TEX36: variants seen among roughly 807,000 people sequenced by gnomAD.
The protein encoded by TEX36 is testis-expressed protein 36.
TEX36 carries 12 observed loss-of-function variants against 13.6 expected under a neutral mutation model. That is an observed-to-expected ratio of 0.88 (90% CI 0.56 to 1.43). The LOEUF (loss-of-function observed/expected upper bound fraction) is 1.43. Ranked by LOEUF, TEX36 falls within the 40% of genes most tolerant of loss-of-function variation. TEX36 has a pLI of 0.00. For missense variants in TEX36, 224 were observed against 228.3 expected (o/e 0.98, Z 0.12); for synonymous variants, 93 against 83.0 (o/e 1.12, Z -0.65).
intron 3 of TEX36, among the ~76,000 whole-genome samples, chr10:125,579,803 A>T (rs1013961559): frequency 1.3e-5 from 2 of 151,916 alleles, no homozygotes; most frequent in African/African-American, 4.8e-5. Context: ...TCCCCTTGAC[A>T]TTCCACCATG....
At chr10:125,628,346 A>T (rs1377578598) in intron 3 of TEX36, among the ~76,000 whole-genome samples, 1 of 152,210 alleles carries the variant, frequency 6.6e-6, no homozygotes, top group African/African-American at 2.4e-5. Context: ...TTAATGTCCC[A>T]CTATATCTTA....
At chr10:125,672,501 G>A (rs576377631) in intron 1 of TEX36, among the ~76,000 whole-genome samples, 5 of 152,304 alleles carry the variant, frequency 3.3e-5, no homozygotes, top group African/African-American at 9.6e-5. Flanking sequence ...GAGACAGTTT[G>A]TTATTATTTC....
At chr10:125,624,672 T>C (rs576458488) in intron 3 of TEX36, among the ~76,000 whole-genome samples, 1 of 146,532 alleles carries the variant, frequency 6.8e-6, no homozygotes, top group African/African-American at 2.6e-5. Context: ...AGATGTATAA[T>C]TCTACAGAAA....
intron 3 of TEX36, among the ~76,000 whole-genome samples, chr10:125,593,838 G>A (rs896233364): frequency 4.6e-5 from 7 of 152,266 alleles, no homozygotes; most frequent in African/African-American, 1.7e-4. Flanking sequence ...GATGGATGGC[G>A]GTGATGATTG....
chr10:125,666,532 G>T (rs111683823), intron 1 of TEX36, among the ~76,000 whole-genome samples: 2,636 of 152,196 alleles, frequency 0.017, 74 homozygotes, highest in African/African-American at 0.059. Flanking sequence ...GCATCCTTGC[G>T]TCCCTGCTAT....
At chr10:125,614,047 T>C (rs1260845130) in intron 3 of TEX36, among the ~76,000 whole-genome samples, 2 of 152,260 alleles carry the variant, frequency 1.3e-5, no homozygotes, top group Non-Finnish European at 2.9e-5. Context: ...GTGAGCATTT[T>C]TTCACGTGTC....
intron 3 of TEX36, among the ~76,000 whole-genome samples, chr10:125,659,254 G>C (rs759421930): frequency 2.6e-5 from 4 of 152,108 alleles, no homozygotes; most frequent in Non-Finnish European, 5.9e-5. Flanking sequence ...AGAGAAAGTT[G>C]GAAAGCTTCC....
chr10:125,603,976 T>C (rs1205184057), intron 3 of TEX36, among the ~76,000 whole-genome samples: 1 of 152,160 alleles, frequency 6.6e-6, no homozygotes, highest in African/African-American at 2.4e-5. Flanking sequence ...AAGGGGCCCA[T>C]TCCGGTTCAG....
chr10:125,588,348 T>C (rs914765046), intron 3 of TEX36, among the ~76,000 whole-genome samples: 4 of 152,182 alleles, frequency 2.6e-5, no homozygotes, highest in Non-Finnish European at 1.5e-5. Context: ...TCACTTACTG[T>C]GAATATGCGT....
intron 3 of TEX36, among the ~76,000 whole-genome samples, chr10:125,635,579 G>C (rs906829248): frequency 6.6e-6 from 1 of 152,084 alleles, no homozygotes; most frequent in African/African-American, 2.4e-5. Context: ...CTCGTGCTGG[G>C]GTGCGAAGGT....
At chr10:125,639,304 C>T (rs1025974330) in intron 3 of TEX36, among the ~76,000 whole-genome samples, 1 of 152,056 alleles carries the variant, frequency 6.6e-6, no homozygotes, top group African/African-American at 2.4e-5. Flanking sequence ...TTGCCTGATC[C>T]ACATTGACAC....
intron 3 of TEX36, among the ~76,000 whole-genome samples, chr10:125,628,969 T>C (rs1322891676): frequency 2.0e-5 from 3 of 152,160 alleles, no homozygotes; most frequent in African/African-American, 7.2e-5. Context: ...TTGAGGAAAA[T>C]AGAAGTGTGA....
At chr10:125,625,252 T>A (rs1437696479) in intron 3 of TEX36, among the ~76,000 whole-genome samples, 1 of 152,168 alleles carries the variant, frequency 6.6e-6, no homozygotes, top group Non-Finnish European at 1.5e-5. Flanking sequence ...CAGAGCCCAA[T>A]TCCAGGCCCA....
At chr10:125,620,474 A>C (rs1228328973), downstream of TEX36, among the ~76,000 whole-genome samples, 2 of 152,156 alleles carry the variant, frequency 1.3e-5, no homozygotes, top group African/African-American at 4.8e-5. Context: ...ACATTCAGTG[A>C]AGATGTGTTG....
At chr10:125,636,475 A>G (rs920601835) in intron 3 of TEX36, among the ~76,000 whole-genome samples, 2 of 151,950 alleles carry the variant, frequency 1.3e-5, no homozygotes, top group African/African-American at 2.4e-5. Context: ...CGGCCTCCCA[A>G]AGTGCTAGGA....
chr10:125,650,729 A>G (rs1260104974), downstream of TEX36, among the ~76,000 whole-genome samples: 1 of 152,182 alleles, frequency 6.6e-6, no homozygotes, highest in African/African-American at 2.4e-5. Flanking sequence ...TTTTGAAAAG[A>G]TCAACAAAAT....
chr10:125,628,375 G>T (rs1445727258), intron 3 of TEX36, among the ~76,000 whole-genome samples: 2 of 152,210 alleles, frequency 1.3e-5, no homozygotes, highest in Non-Finnish European at 2.9e-5. Flanking sequence ...TGTGGCCTCT[G>T]GTGTGGGTTT....
intron 3 of TEX36, among the ~76,000 whole-genome samples, chr10:125,648,940 T>C (rs551173394): frequency 3.2e-4 from 49 of 152,082 alleles, no homozygotes; most frequent in African/African-American, 1.2e-3. Flanking sequence ...AATGAAGCAA[T>C]AATAGAAGTT....
chr10:125,581,311 G>C (rs1474949601), intron 3 of TEX36, among the ~76,000 whole-genome samples: 1 of 152,032 alleles, frequency 6.6e-6, no homozygotes, highest in African/African-American at 2.4e-5. Context: ...TGATGCGATG[G>C]CTTCTCAGAG....
Sources: gnomAD v4.1 joint callset for allele counts (sites outside exome capture counted in the v4.1 genomes callset) on GRCh38, gnomAD v4.1.1 for gene constraint, MANE v1.5 for transcripts, NCBI Gene and HGNC (gene_info 2026-07-23, HGNC 2026-07-21) for gene names.